The following ELAPOR1 variants were observed in gnomAD, a reference collection of about 807,000 sequenced individuals.
ELAPOR1 encodes the protein endosome-lysosome associated apoptosis and autophagy regulator 1.
A neutral mutation model predicts 119.7 loss-of-function variants in ELAPOR1; 77 were observed. The observed-to-expected ratio is 0.64, with a 90% CI of 0.54 to 0.78. The LOEUF (loss-of-function observed/expected upper bound fraction) is 0.78, where lower values mean the gene tolerates loss of function less well. ELAPOR1 is among the 30% of genes least tolerant of loss of function. The pLI is 0.00. For synonymous variants in ELAPOR1, 481 were observed against 487.2 expected, an observed-to-expected ratio of 0.99 and a Z score of 0.17; for missense variants, 1,115 against 1,270.4, an observed-to-expected ratio of 0.88 and a Z score of 1.86.
intron 21 of ELAPOR1, 90 bp from the exon 22 acceptor site, chr1:109,202,854 T>C (rs773781085): frequency 6.7e-5 from 80 of 1,193,346 alleles, no homozygotes; most frequent in Non-Finnish European, 9.8e-5. Context: ...TTCATAAGGG[T>C]TCCTTCTGTC....
At chr1:109,154,210 G>C (rs1650717288) in intron 1 of ELAPOR1, among the ~76,000 whole-genome samples, 1 of 150,548 alleles carries the variant, frequency 6.6e-6, no homozygotes, top group African/African-American at 2.4e-5. Flanking sequence ...GAACCTGGGA[G>C]GCGGAGGTTG....
rs758173556 is a variant in ELAPOR1 at position 109,200,186 on chromosome 1, C to T, written c.2756C>T (p.Thr919Ile). The change falls in exon 20 of 22, where the codon ACT (threonine) becomes ATT (isoleucine). Residue 919 changes from threonine to isoleucine, a missense_variant. Thr to Ile is a moderately conservative substitution (Grantham distance 89, BLOSUM62 -1). Transcript: ENST00000369939. ...LKVGISAGTC[T>I]AILLTVLTCY... is the part of the protein sequence containing the mutation. The stretch of plus-strand genomic sequence containing the variant: ...GTGGGCATCTCTGCAGGCACCTGTA[C>T]TGCCATCCTGCTCACCGTCTTGACC... The T allele has an allele frequency of 6.8e-6, 11 of 1,614,130 alleles. No homozygotes were observed. Among genetic ancestry groups the T allele is most frequent in the Admixed American group, 1.7e-5 (1 of 60,014 alleles).
At position 109,186,438 on chromosome 1, in the gene ELAPOR1, G is replaced by A. The variant is rs77916451; in HGVS notation, c.1041+1305G>A. ...TAGGGAGCATAAACATTTGCTGGCT[G>A]GGCGGCTGACTGAATTCTCCCTTTC... On this transcript the variant is annotated intron_variant, in intron 8 of 21. Transcript: ENST00000369939. 83 of 943,840 alleles carry A rather than the reference G, an allele frequency of 8.8e-5. No individual in the cohort carries two copies. In the East Asian group the frequency reaches 7.3e-3, roughly 83 times the overall value. The allele number at this position is 943,840 out of a possible 1,614,324, so 58.5% of individuals were successfully genotyped here.
intron 1 of ELAPOR1, among the ~76,000 whole-genome samples, chr1:109,130,271 C>T (rs996846406): frequency 6.6e-6 from 1 of 152,024 alleles, no homozygotes; most frequent in Non-Finnish European, 1.5e-5. Flanking sequence ...TGCACCGGCA[C>T]GTAGTATAGA....
chr1:109,114,378 G>A (rs1373504460), intron 1 of ELAPOR1, 42 bp downstream of exon 1: 4 of 1,522,532 alleles, frequency 2.6e-6, no homozygotes, highest in Non-Finnish European at 3.5e-6. Flanking sequence ...GGTCACAAAA[G>A]TCTTGGATCC....
Position 109,114,245 on chromosome 1 carries a change from G to T in ELAPOR1, c.62G>T (p.Arg21Leu), listed in dbSNP as rs1367510075. 3.1e-6 allele frequency: 5 copies of T among 1,602,826 alleles called. No individual in the cohort carries two copies. Among genetic ancestry groups the T allele is most frequent in the South Asian group, 1.1e-5 (1 of 89,144 alleles). Residue 21 changes from arginine to leucine, a missense_variant, in exon 1 of 22, where the codon CGC becomes CTC. Coordinates refer to ENST00000369939, the MANE Select transcript of ELAPOR1 (RefSeq NM_020775.5). ...AGAGTCAGGGGAAGAACTGAGAGGCGCATACCCCGGCTGTGGCGGCTGCTG... is the reference window on the plus strand; with the variant it reads ...AGAGTCAGGGGAAGAACTGAGAGGCTCATACCCCGGCTGTGGCGGCTGCTG... ...SARVRGRTER[R>L]IPRLWRLLLW...
chr1:109,164,383 TG>T, intron 2 of ELAPOR1, 115 bp from the exon 3 acceptor site: 2 of 820,776 alleles, frequency 2.4e-6, no homozygotes, highest in Non-Finnish European at 3.9e-6. Context: ...TAAATCTTAG[TG>T]GGCCAAACTC....
chr1:109,140,970 G>A (rs2100998437), intron 1 of ELAPOR1, among the ~76,000 whole-genome samples: 1 of 152,160 alleles, frequency 6.6e-6, no homozygotes, highest in Non-Finnish European at 1.5e-5. Flanking sequence ...TTGTGCCTCA[G>A]CCTCCCAAGT....
intron 7 of ELAPOR1, among the ~76,000 whole-genome samples, chr1:109,178,758 A>G (rs1558054356): frequency 6.6e-6 from 1 of 152,114 alleles, no homozygotes; most frequent in Non-Finnish European, 1.5e-5. Flanking sequence ...TGAGGTCAGG[A>G]GTTCAAGACC....
rs568012943 is a variant in ELAPOR1, at chr1:109,115,873, G to A, written c.153+1537G>A. ...CGCATTATGACCTGTTTTAGAGATC[G>A]CAGGGAACAGTATGATCTTATCAGT... On this transcript the variant is annotated intron_variant, in intron 1 of 21. Transcript: ENST00000369939. Among the ~76,000 whole-genome samples, 5 of 152,262 alleles carry A rather than the reference G, an allele frequency of 3.3e-5. No homozygotes were observed. The South Asian group carries it at 6.2e-4, about 19-fold the overall frequency.
chr1:109,198,444 T>C (rs1046494262), intron 17 of ELAPOR1, 129 bp from the exon 18 acceptor site: 8 of 747,244 alleles, frequency 1.1e-5, no homozygotes, highest in Non-Finnish European at 1.8e-5. Context: ...GCACTCCCTG[T>C]GTGCCAGGCT....
At chr1:109,161,409 C>CAAAAA (rs59573644) in intron 1 of ELAPOR1, among the ~76,000 whole-genome samples, 8 of 56,286 alleles carry the variant, frequency 1.4e-4, no homozygotes, top group Middle Eastern at 8.8e-3. Context: ...GACTCCGTCT[C>CAAAAA]AAAAAAAAAA....
intron 2 of ELAPOR1, among the ~76,000 whole-genome samples, chr1:109,162,268 C>T (rs1249503223): frequency 6.6e-6 from 1 of 152,230 alleles, no homozygotes; most frequent in East Asian, 1.9e-4. Context: ...ACAGCATAAG[C>T]AATGCCAGCT....
At chr1:109,190,004 A>C (rs1392963379) in intron 11 of ELAPOR1, among the ~76,000 whole-genome samples, 2 of 152,216 alleles carry the variant, frequency 1.3e-5, no homozygotes, top group South Asian at 2.1e-4. Flanking sequence ...ATGGGGTCAG[A>C]AATGCCCATA....
chr1:109,115,993 C>T (rs1398743188), intron 1 of ELAPOR1, among the ~76,000 whole-genome samples: 2 of 152,144 alleles, frequency 1.3e-5, no homozygotes, highest in African/African-American at 4.8e-5. Context: ...AAGGGAGTTT[C>T]CTGAGTGGAA....
chr1:109,200,283 A>G, intron 20 of ELAPOR1, 46 bp downstream of exon 20: 1 of 1,589,284 alleles, frequency 6.3e-7, no homozygotes. Flanking sequence ...GGGTTGGATT[A>G]TTGATCAGGG....
At chr1:109,183,491 G>A (rs1232119502) in intron 7 of ELAPOR1, among the ~76,000 whole-genome samples, 2 of 152,164 alleles carry the variant, frequency 1.3e-5, no homozygotes, top group Non-Finnish European at 2.9e-5. Context: ...ATTGAAAGGA[G>A]GAGAACATGC....
chr1:109,136,487 C>G (rs1295589392), intron 1 of ELAPOR1, among the ~76,000 whole-genome samples: 1 of 152,086 alleles, frequency 6.6e-6, no homozygotes, highest in Non-Finnish European at 1.5e-5. Context: ...CAGAACTGTG[C>G]GACAACAAAT....
rs147191975 is a variant in ELAPOR1 at position 109,199,898 on chromosome 1, T to G, written c.2546T>G (p.Leu849Arg). 95 of 1,613,658 alleles carry G rather than the reference T, an allele frequency of 5.9e-5. No homozygotes were observed. Among genetic ancestry groups the G allele is most frequent in the Non-Finnish European group, 7.9e-5 (93 of 1,180,020 alleles). Residue 849 changes from leucine to arginine, a missense_variant, in exon 19 of 22, where the codon CTG becomes CGG. Leu to Arg is a moderately radical substitution (Grantham distance 102, BLOSUM62 -2). Coordinates refer to ENST00000369939, the MANE Select transcript of ELAPOR1 (RefSeq NM_020775.5). Reference sequence around the variant, plus strand: ...TGTGATGGCTGCAACTTCCACTTCCTGTGGGAGAGCGCGGCTGCTTGCCCG... The same window carrying G: ...TGTGATGGCTGCAACTTCCACTTCCGGTGGGAGAGCGCGGCTGCTTGCCCG... The part of the protein sequence containing the change: ...GTCDGCNFHF[L>R]WESAAACPLC...
Sources: gnomAD v4.1 joint callset for allele counts (sites outside exome capture counted in the v4.1 genomes callset) on GRCh38, gnomAD v4.1.1 for gene constraint, MANE v1.5 for transcripts, NCBI Gene and HGNC (gene_info 2026-07-23, HGNC 2026-07-21) for gene names.